NAV2: variants seen among roughly 807,000 people sequenced by gnomAD.
NAV2 encodes the protein helicase, APC down-regulated 1.
A neutral mutation model predicts 223.2 loss-of-function variants in NAV2; 54 were observed. The ratio of observed to expected loss-of-function variants is 0.24; its 90% confidence interval spans 0.19 to 0.30. NAV2 has a LOEUF of 0.30. Ranked by LOEUF, NAV2 falls within the 10% of genes least tolerant of loss-of-function variation. The probability of loss-of-function intolerance (pLI) is 1.00; values close to 1 mark genes in which losing one functional copy is unlikely to be tolerated. For synonymous variants in NAV2, 1,279 were observed against 1,239.3 expected, an observed-to-expected ratio of 1.03 and a Z score of -0.67; for missense variants, 2,806 against 3,147.5, an observed-to-expected ratio of 0.89 and a Z score of 2.60.
chr11:19,625,210 A>T (rs1217179472), intron 1 of NAV2, among the ~76,000 whole-genome samples: 1 of 152,120 alleles, frequency 6.6e-6, no homozygotes, highest in African/African-American at 2.4e-5. Flanking sequence ...ATCTCTCCCT[A>T]TCTTTCCCTT....
intron 1 of NAV2, among the ~76,000 whole-genome samples, chr11:19,632,630 G>T (rs953760149): frequency 1.2e-4 from 19 of 152,186 alleles, no homozygotes; most frequent in African/African-American, 4.3e-4. Flanking sequence ...AACTCAGCAG[G>T]GAAAGATGTG....
At chr11:19,586,150 C>G (rs2045891596) in intron 1 of NAV2, among the ~76,000 whole-genome samples, 1 of 152,182 alleles carries the variant, frequency 6.6e-6, no homozygotes, top group South Asian at 2.1e-4. Flanking sequence ...CACTGATACC[C>G]TTTCTTCCAG....
chr11:19,433,256 G>A (rs1034933743), intron 1 of NAV2, among the ~76,000 whole-genome samples: 5 of 152,102 alleles, frequency 3.3e-5, no homozygotes, highest in Admixed American at 2.0e-4. Flanking sequence ...CTTTCTAACT[G>A]GAAGTACTCT....
intron 1 of NAV2, among the ~76,000 whole-genome samples, chr11:19,564,667 G>A (rs1345828166): frequency 7.5e-6 from 1 of 133,218 alleles, no homozygotes; most frequent in Non-Finnish European, 1.5e-5. Flanking sequence ...TTCCCTTCCT[G>A]CCGTCCCCTA....
At chr11:19,843,144 A>C (rs2060596499) in intron 3 of NAV2, among the ~76,000 whole-genome samples, 1 of 152,238 alleles carries the variant, frequency 6.6e-6, no homozygotes, top group South Asian at 2.1e-4. Flanking sequence ...GAGACAGTTA[A>C]AGTGAAATAT....
rs537380064 is a variant in NAV2 at position 19,998,508 on chromosome 11, G to T, written c.2768+14261G>T. On this transcript the variant is annotated intron_variant, in intron 11 of 37. Coordinates refer to ENST00000349880, the MANE Select transcript of NAV2 (RefSeq NM_145117.5). The surrounding 1 kb of genome is among the most constrained non-coding windows in gnomAD (Gnocchi z 5.0). The stretch of plus-strand genomic sequence containing the variant: ...AACCCTCCCTTAGTGCCTTTCCATT[G>T]CACCTAGAATAAAGGTCAGACTCCT... Among the ~76,000 whole-genome samples, 18 of 152,108 alleles carry T rather than the reference G, an allele frequency of 1.2e-4. No homozygotes were observed. The highest frequency in any genetic ancestry group is 3.6e-4 in the African/African-American group (15 of 41,468).
At chr11:19,895,920 G>A (rs192360216) in intron 6 of NAV2, among the ~76,000 whole-genome samples, 1 of 152,090 alleles carries the variant, frequency 6.6e-6, no homozygotes, top group East Asian at 1.9e-4. Flanking sequence ...CCTGGATGAG[G>A]TCACCTCTTG....
intron 3 of NAV2, among the ~76,000 whole-genome samples, chr11:19,851,369 C>G (rs1233421015): frequency 6.6e-6 from 1 of 152,214 alleles, no homozygotes; most frequent in African/African-American, 2.4e-5. Flanking sequence ...AGCCCCTCAT[C>G]TAGGCATAGG....
intron 6 of NAV2, among the ~76,000 whole-genome samples, chr11:19,903,680 C>CA (rs768348279): frequency 6.2e-4 from 94 of 152,098 alleles, no homozygotes; most frequent in Non-Finnish European, 6.9e-4. Flanking sequence ...CCTTTGGCTC[C>CA]AGGACAGCCT....
At chr11:19,440,397 G>A (rs928813264) in intron 1 of NAV2, among the ~76,000 whole-genome samples, 3 of 152,136 alleles carry the variant, frequency 2.0e-5, no homozygotes, top group African/African-American at 7.2e-5. Context: ...TTAGGCAAAG[G>A]GAAAGGTTGT....
At chr11:20,106,205 A>ATATATATGTGTGTG in intron 35 of NAV2, among the ~76,000 whole-genome samples, 1 of 43,680 alleles carries the variant, frequency 2.3e-5, no homozygotes, top group African/African-American at 6.0e-5. Context: ...ATATATATAT[A>ATATATATGTGTGTG]TATATATATA....
At chr11:20,032,925 C>T (rs1014640214) in intron 11 of NAV2, among the ~76,000 whole-genome samples, 2 of 152,230 alleles carry the variant, frequency 1.3e-5, no homozygotes, top group Non-Finnish European at 2.9e-5. Flanking sequence ...ATTGCTGCAG[C>T]ATTGCCCCTC....
intron 1 of NAV2, among the ~76,000 whole-genome samples, chr11:19,494,500 T>A (rs1297617143): frequency 6.6e-6 from 1 of 152,220 alleles, no homozygotes; most frequent in Non-Finnish European, 1.5e-5. Context: ...ATTTTACAGA[T>A]AAAGAAACTA....
At chr11:19,626,741 CT>C (rs2047183053) in intron 1 of NAV2, among the ~76,000 whole-genome samples, 1 of 152,150 alleles carries the variant, frequency 6.6e-6, no homozygotes, top group Non-Finnish European at 1.5e-5. Context: ...AAGTCTTTTA[CT>C]GCTTCTGTTA....
chr11:19,419,173 G>A (rs1850507421), intron 1 of NAV2, among the ~76,000 whole-genome samples: 1 of 152,148 alleles, frequency 6.6e-6, no homozygotes, highest in Non-Finnish European at 1.5e-5. Context: ...GCCCCTGCCT[G>A]CAAGTAGCTC....
chr11:19,478,077 A>G (rs896835053), intron 1 of NAV2, among the ~76,000 whole-genome samples: 3 of 152,220 alleles, frequency 2.0e-5, no homozygotes, highest in African/African-American at 7.2e-5. Flanking sequence ...GAGCCCTTAT[A>G]CGGGTAATAA....
At chr11:19,411,687 T>C (rs1850151987) in intron 1 of NAV2, among the ~76,000 whole-genome samples, 1 of 152,120 alleles carries the variant, frequency 6.6e-6, no homozygotes, top group Admixed American at 6.5e-5. Flanking sequence ...AGCTGTTGGA[T>C]CTGCCCTACT....
intron 1 of NAV2, among the ~76,000 whole-genome samples, chr11:19,659,694 G>T (rs1459706713): frequency 6.6e-6 from 1 of 152,120 alleles, no homozygotes; most frequent in African/African-American, 2.4e-5. Flanking sequence ...TGATTCATTA[G>T]TCTAGATCTC....
At chr11:19,481,051 A>T (rs2042263358) in intron 1 of NAV2, among the ~76,000 whole-genome samples, 4 of 152,190 alleles carry the variant, frequency 2.6e-5, no homozygotes, top group African/African-American at 9.7e-5. Flanking sequence ...CAGCCCGGAC[A>T]GGTGACTGCT....
Sources: allele counts gnomAD v4.1 joint callset (sites outside exome capture counted in the v4.1 genomes callset), GRCh38; gene constraint gnomAD v4.1.1; non-coding constraint Gnocchi (gnomAD v3.1); transcripts MANE v1.5; gene names NCBI Gene and HGNC (gene_info 2026-07-23, HGNC 2026-07-21).